The following PRDM16 variants were observed in gnomAD, a reference collection of about 807,000 sequenced individuals.
The protein encoded by PRDM16 is histone-lysine N-methyltransferase PRDM16.
PRDM16 carries 23 observed loss-of-function variants against 110.6 expected under a neutral mutation model. The observed-to-expected ratio is 0.21, with a 90% CI of 0.15 to 0.29. PRDM16 has a LOEUF of 0.29. PRDM16 is among the 10% of genes least tolerant of loss of function. The probability of loss-of-function intolerance (pLI) is 1.00; values close to 1 mark genes in which losing one functional copy is unlikely to be tolerated. For missense variants in PRDM16, 1,615 were observed against 1,794.3 expected (o/e 0.90, Z 1.81); for synonymous variants, 799 against 781.8 (o/e 1.02, Z -0.37).
chr1:3,195,788 G>C (rs1638459697), intron 2 of PRDM16, among the ~76,000 whole-genome samples: 1 of 152,218 alleles, frequency 6.6e-6, no homozygotes, highest in Non-Finnish European at 1.5e-5. Flanking sequence ...TGTGAGAACA[G>C]GGTGCTCCGG....
At chr1:3,418,791 G>A (rs376082111) in intron 12 of PRDM16, 47 bp downstream of exon 12, 42 of 1,408,880 alleles carry the variant, frequency 3.0e-5, no homozygotes, top group Middle Eastern at 1.7e-4. Flanking sequence ...GCCTGCCTCC[G>A]TGCACCGCTG....
At position 3,145,700 on chromosome 1, in the gene PRDM16, C is replaced by G. The variant is rs114738660; in HGVS notation, c.38-40425C>G. On this transcript the variant is annotated intron_variant, in intron 1 of 16. Transcript: ENST00000270722. ...CACCCGCCCCACCCGCTCCCGGTCT[C>G]TCACTTCCACCCCTGTAGAAAGCGC... 5.2e-3 allele frequency among the ~76,000 whole-genome samples: 793 copies of G among 152,322 alleles called. 4 individuals are homozygous for G. Among genetic ancestry groups the G allele is most frequent in the African/African-American group, 0.018 (754 of 41,570 alleles).
At chr1:3,084,624 G>A (rs1642108251) in intron 1 of PRDM16, among the ~76,000 whole-genome samples, 1 of 152,210 alleles carries the variant, frequency 6.6e-6, no homozygotes. Flanking sequence ...GAGCCAGGGA[G>A]GCACCGTCCA....
chr1:3,158,180 C>T (rs142426097), intron 1 of PRDM16, among the ~76,000 whole-genome samples: 12 of 152,290 alleles, frequency 7.9e-5, no homozygotes, highest in South Asian at 2.1e-4. Context: ...ATCCCCGTAA[C>T]GGGATAGTGA....
chr1:3,310,410 C>T (rs547300638), intron 3 of PRDM16, among the ~76,000 whole-genome samples: 7 of 152,298 alleles, frequency 4.6e-5, no homozygotes, highest in African/African-American at 1.4e-4. Context: ...GACCCTGAGC[C>T]GTCTTTCAAC....
intron 1 of PRDM16, among the ~76,000 whole-genome samples, chr1:3,090,408 C>G (rs554737054): frequency 6.6e-6 from 1 of 152,256 alleles, no homozygotes; most frequent in Non-Finnish European, 1.5e-5. Flanking sequence ...TGGTGGCCGC[C>G]GTTCGGCAGG....
At chr1:3,421,883 GACAGACAGGAAGATAGGCAGGCAA>G (rs1170183411) in intron 12 of PRDM16, among the ~76,000 whole-genome samples, 1 of 151,532 alleles carries the variant, frequency 6.6e-6, no homozygotes, top group Non-Finnish European at 1.5e-5. Context: ...CAGGCAGGCG[GACAGACAGGAAGATAGGCAGGCAA>G]ACAGACAGGA....
At chr1:3,310,731 G>A (rs140864475) in intron 3 of PRDM16, among the ~76,000 whole-genome samples, 3 of 152,316 alleles carry the variant, frequency 2.0e-5, no homozygotes, top group African/African-American at 7.2e-5. Context: ...TGGCCCTGGC[G>A]TGGAGTGTCC....
chr1:3,251,014 A>G (rs983373454), intron 3 of PRDM16, among the ~76,000 whole-genome samples: 2 of 152,170 alleles, frequency 1.3e-5, no homozygotes, highest in African/African-American at 2.4e-5. Context: ...AATGACTTCT[A>G]TTGTGCTGAG....
chr1:3,412,727 C>A lies in PRDM16; in HGVS notation c.2530C>A (p.Pro844Thr), dbSNP rs767418172. The change falls in exon 9 of 17, where the codon CCG becomes ACG. Residue 844 changes from proline to threonine, a missense_variant. Around this residue, in one of 5 missense-constraint regions of PRDM16, gnomAD observed 772 missense variants for 748.3 expected, o/e 1.03. Coordinates refer to ENST00000270722, the MANE Select transcript of PRDM16 (RefSeq NM_022114.4). ...GAGEGLPQVCPARMPQQPPLH... is the reference protein window; with the variant it reads ...GAGEGLPQVCTARMPQQPPLH... ...CGGCGAGGGGCTGCCCCAGGTGTGC[C>A]CGGCGCGGATGCCCCAGCAGCCCCC... 50 of 1,507,060 alleles carry A rather than the reference C, an allele frequency of 3.3e-5. No homozygotes were observed. The South Asian group carries it at 5.3e-4, about 16-fold the overall frequency. 93.4% of individuals were successfully genotyped at this position (1,507,060 alleles called of 1,614,324 possible).
intron 2 of PRDM16, among the ~76,000 whole-genome samples, chr1:3,242,249 A>G (rs1011292319): frequency 1.6e-4 from 25 of 152,200 alleles, no homozygotes; most frequent in Non-Finnish European, 2.6e-4. Context: ...CAAATGCCAG[A>G]GAGATACAAA....
chr1:3,416,124 G>A (rs1285177942), intron 10 of PRDM16, among the ~76,000 whole-genome samples: 4 of 152,198 alleles, frequency 2.6e-5, no homozygotes, highest in African/African-American at 7.2e-5. Context: ...CACTGTGGAC[G>A]GACACGAGTT....
At chr1:3,088,448 A>ATTATTATTTATTTATTTAT (rs373778011) in intron 1 of PRDM16, among the ~76,000 whole-genome samples, 9 of 146,024 alleles carry the variant, frequency 6.2e-5, no homozygotes, top group African/African-American at 1.0e-4. Context: ...GGATTCTTTT[A>ATTATTATTTATTTATTTAT]TTATTTATTT....
chr1:3,313,790 G>C (rs979649279), intron 3 of PRDM16, among the ~76,000 whole-genome samples: 2 of 152,238 alleles, frequency 1.3e-5, no homozygotes, highest in Non-Finnish European at 2.9e-5. Context: ...GTTGTAACTG[G>C]AACGCAGCCT....
chr1:3,362,133 A>G (rs970115553), intron 3 of PRDM16, among the ~76,000 whole-genome samples: 1 of 152,232 alleles, frequency 6.6e-6, no homozygotes, highest in Non-Finnish European at 1.5e-5. Flanking sequence ...ATCCCGAGGC[A>G]GACATTTCTC....
intron 3 of PRDM16, among the ~76,000 whole-genome samples, chr1:3,332,531 C>T (rs188202527): frequency 2.5e-4 from 38 of 151,956 alleles, no homozygotes; most frequent in Non-Finnish European, 4.3e-4. Context: ...CATTCTAGAT[C>T]GGTCTTATGC....
chr1:3,103,689 G>A (rs1478304349), intron 1 of PRDM16, among the ~76,000 whole-genome samples: 1 of 152,138 alleles, frequency 6.6e-6, no homozygotes, highest in African/African-American at 2.4e-5. Flanking sequence ...TGGCATGCAC[G>A]CACCATTCTG....
At chr1:3,398,939 G>T (rs1188693834) in intron 5 of PRDM16, among the ~76,000 whole-genome samples, 1 of 152,184 alleles carries the variant, frequency 6.6e-6, no homozygotes. Flanking sequence ...AGCCCGCTTC[G>T]GGAGAACCGA....
At chr1:3,345,066 C>G (rs527283150) in intron 3 of PRDM16, among the ~76,000 whole-genome samples, 84 of 152,332 alleles carry the variant, frequency 5.5e-4, no homozygotes, top group Admixed American at 1.5e-3. Flanking sequence ...CTCTGACAGC[C>G]TCACACTGCA....
Sources: allele counts gnomAD v4.1 joint callset (sites outside exome capture counted in the v4.1 genomes callset), GRCh38; gene constraint gnomAD v4.1.1; regional missense constraint gnomAD v4.1.1; transcripts MANE v1.5; gene names NCBI Gene and HGNC (gene_info 2026-07-23, HGNC 2026-07-21).